Variants in TUBGCP3 observed in about 807,000 individuals in gnomAD.
The protein encoded by TUBGCP3 is gamma-tubulin complex component 3.
In TUBGCP3, 50 loss-of-function variants were observed where a neutral mutation model predicts 123.1. The observed-to-expected ratio is 0.41, with a 90% CI of 0.32 to 0.51. The LOEUF (loss-of-function observed/expected upper bound fraction) is 0.51. Ranked by LOEUF, TUBGCP3 falls within the 20% of genes least tolerant of loss-of-function variation. The pLI is 0.36. For synonymous variants in TUBGCP3, 405 were observed against 413.9 expected (o/e 0.98, Z 0.26); for missense variants, 882 against 1,127.0 (o/e 0.78, Z 3.11).
chr13:112,517,504 G>T (rs1205683169), intron 16 of TUBGCP3, among the ~76,000 whole-genome samples: 1 of 152,136 alleles, frequency 6.6e-6, no homozygotes, highest in African/African-American at 2.4e-5. Flanking sequence ...AATAATCGAT[G>T]CAATTATCTG....
intron 11 of TUBGCP3, among the ~76,000 whole-genome samples, chr13:112,534,164 G>C (rs1231845414): frequency 6.6e-6 from 1 of 152,188 alleles, no homozygotes. Flanking sequence ...GGGAATCGGA[G>C]GGTGGATAGA....
chr13:112,498,760 A>G (rs1880688243), intron 20 of TUBGCP3: 2 of 1,530,200 alleles, frequency 1.3e-6, no homozygotes, highest in Non-Finnish European at 1.8e-6. Context: ...GACGGGTGAC[A>G]TCGGCATTGT....
intron 11 of TUBGCP3, among the ~76,000 whole-genome samples, chr13:112,527,881 T>C (rs1260786003): frequency 6.6e-6 from 1 of 152,216 alleles, no homozygotes; most frequent in African/African-American, 2.4e-5. Context: ...GCAGTCTCTC[T>C]TTTGCAAAGC....
At chr13:112,561,299 G>C (rs545291701) in intron 3 of TUBGCP3, among the ~76,000 whole-genome samples, 9 of 152,282 alleles carry the variant, frequency 5.9e-5, no homozygotes, top group African/African-American at 2.2e-4. Flanking sequence ...AGGCACTCAG[G>C]CCCAGGACCA....
intron 20 of TUBGCP3, among the ~76,000 whole-genome samples, chr13:112,490,945 A>G (rs1880046935): frequency 6.6e-6 from 1 of 152,198 alleles, no homozygotes; most frequent in Non-Finnish European, 1.5e-5. Context: ...TCGGAAACCT[A>G]TGGAAAATGA....
chr13:112,566,012 A>C (rs1880931866), intron 2 of TUBGCP3, among the ~76,000 whole-genome samples: 1 of 152,238 alleles, frequency 6.6e-6, no homozygotes, highest in African/African-American at 2.4e-5. Flanking sequence ...TTTCAAAATA[A>C]AATTCAAAAT....
intron 17 of TUBGCP3, among the ~76,000 whole-genome samples, chr13:112,510,849 A>G (rs1375761115): frequency 1.3e-5 from 2 of 152,282 alleles, no homozygotes; most frequent in East Asian, 1.9e-4. Flanking sequence ...GGCACCTCCA[A>G]TCTGTATTTG....
intron 1 of TUBGCP3, among the ~76,000 whole-genome samples, chr13:112,574,905 C>T (rs1232890471): frequency 6.6e-6 from 1 of 152,218 alleles, no homozygotes; most frequent in Non-Finnish European, 1.5e-5. Context: ...GAAAAACCTC[C>T]GAGCCAGGCC....
At chr13:112,548,199 T>G in intron 8 of TUBGCP3, 23 bp from the exon 9 acceptor site, 2 of 1,580,758 alleles carry the variant, frequency 1.3e-6, no homozygotes, top group Non-Finnish European at 1.7e-6. Flanking sequence ...GAAATATAAT[T>G]AAAGCACGAC....
At chr13:112,584,017 G>T (rs1296403169) in intron 1 of TUBGCP3, 1 of 152,178 alleles carries the variant, frequency 6.6e-6, no homozygotes, top group Non-Finnish European at 1.5e-5. Flanking sequence ...AGTTTAAAAT[G>T]AAAAGGCATG....
chr13:112,530,566 T>G (rs1045104006), intron 11 of TUBGCP3, among the ~76,000 whole-genome samples: 65 of 152,264 alleles, frequency 4.3e-4, no homozygotes, highest in Admixed American at 3.4e-3. Context: ...GAGGCCCGCT[T>G]TCTCAACCCA....
At chr13:112,561,004 G>C (rs559756704) in intron 3 of TUBGCP3, among the ~76,000 whole-genome samples, 3 of 152,344 alleles carry the variant, frequency 2.0e-5, no homozygotes, top group South Asian at 2.1e-4. Context: ...GCAAAGGCCA[G>C]GAGTCAGGAG....
intron 16 of TUBGCP3, among the ~76,000 whole-genome samples, chr13:112,517,225 C>T (rs571268178): frequency 3.9e-5 from 6 of 152,044 alleles, no homozygotes; most frequent in Admixed American, 3.9e-4. Context: ...GCCATGTTAG[C>T]CAGGCTGGTC....
chr13:112,528,034 CCT>C (rs1877276274), intron 11 of TUBGCP3, among the ~76,000 whole-genome samples: 1 of 152,234 alleles, frequency 6.6e-6, no homozygotes, highest in South Asian at 2.1e-4. Context: ...AGAAGTGACC[CCT>C]GTGTGGCTCC....
intron 1 of TUBGCP3, among the ~76,000 whole-genome samples, chr13:112,570,111 G>A (rs147111525): frequency 7.4e-4 from 107 of 145,560 alleles, no homozygotes; most frequent in South Asian, 3.6e-3. Context: ...CCAATCCCAC[G>A]CTGCCAGACA....
At chr13:112,600,382 A>G in the TUBGCP3 span, among the ~76,000 whole-genome samples, 4 of 152,226 alleles carry the variant, frequency 2.6e-5, no homozygotes, top group Non-Finnish European at 5.9e-5. Flanking sequence ...ACTAGTGAAC[A>G]ATCTTTAAAA....
At chr13:112,496,820 A>G (rs568737281) in intron 20 of TUBGCP3, among the ~76,000 whole-genome samples, 9 of 152,100 alleles carry the variant, frequency 5.9e-5, no homozygotes, top group Non-Finnish European at 1.3e-4. Context: ...CCCTGTCTAT[A>G]CTAAAAATAC....
intron 18 of TUBGCP3, 79 bp from the exon 19 acceptor site, chr13:112,504,242 C>T: frequency 6.4e-7 from 1 of 1,560,234 alleles, no homozygotes; most frequent in Non-Finnish European, 8.7e-7. Context: ...TATATACCAC[C>T]TATGGGAGGC....
chr13:112,526,145 CATT>C (rs1369565509), intron 13 of TUBGCP3, among the ~76,000 whole-genome samples: 2 of 126,616 alleles, frequency 1.6e-5, no homozygotes, highest in East Asian at 2.8e-4. Context: ...TCACCATCAT[CATT>C]ACCACCATCA....
Sources: gnomAD v4.1 joint callset for allele counts (sites outside exome capture counted in the v4.1 genomes callset) on GRCh38, gnomAD v4.1.1 for gene constraint, MANE v1.5 for transcripts, NCBI Gene and HGNC (gene_info 2026-07-23, HGNC 2026-07-21) for gene names.